JMJD1C: variants seen among roughly 807,000 people sequenced by gnomAD.
JMJD1C encodes the protein jumonji domain-containing protein 1C.
A neutral mutation model predicts 245.3 loss-of-function variants in JMJD1C; 31 were observed. That is an observed-to-expected ratio of 0.13 (90% confidence interval 0.09 to 0.17). The LOEUF is 0.17. Among genes scored for constraint, JMJD1C ranks in the 10% least tolerant of loss-of-function variants. The pLI is 1.00. For missense variants in JMJD1C, 2,691 were observed against 3,000.2 expected (o/e 0.90, Z 2.41); for synonymous variants, 1,057 against 1,017.4 (o/e 1.04, Z -0.74).
At position 63,301,625 on chromosome 10, in the gene JMJD1C, C is replaced by T. The variant is rs553719791; in HGVS notation, c.334-36861G>A. The T allele has an allele frequency of 2.7e-3, 865 of 317,236 alleles. 2 individuals carry two copies. The highest frequency in any genetic ancestry group is 2.8e-3 in the Non-Finnish European group (451 of 158,386). The allele number at this position is 317,236 out of a possible 1,614,324, so 19.7% of individuals were successfully genotyped here. On this transcript the variant is annotated intron_variant, in intron 2 of 25. Coordinates refer to ENST00000399262, the MANE Select transcript of JMJD1C (RefSeq NM_032776.3). ...GTTGAACAATGAGAACACAAGGACACAGGGAAGGAAACATCACAGACCAGG... is the reference window on the plus strand; with the variant it reads ...GTTGAACAATGAGAACACAAGGACATAGGGAAGGAAACATCACAGACCAGG...
At chr10:63,329,021 C>G (rs1941838747) in intron 2 of JMJD1C, among the ~76,000 whole-genome samples, 1 of 152,152 alleles carries the variant, frequency 6.6e-6, no homozygotes, top group South Asian at 2.1e-4. Flanking sequence ...CTGGTTCATG[C>G]CTATAATCCC....
At chr10:63,205,643 T>C (rs1297164246) in intron 10 of JMJD1C, among the ~76,000 whole-genome samples, 3 of 152,278 alleles carry the variant, frequency 2.0e-5, no homozygotes, top group South Asian at 4.2e-4. Context: ...TTCCTCACTG[T>C]AGGAACTTCA....
chr10:63,168,078 G>T lies in JMJD1C; in HGVS notation c.7590C>A (p.His2530Gln). The part of the protein sequence containing the change: ...VKEMVRALKI[H>Q]EDEVEDMEEN ...CTTCCATATCCTCTACTTCATCCTC[G>T]TGTATCTTCAAGGCTCTCACCATTT... Residue 2530 changes from histidine (H) to glutamine (Q), a missense_variant, in exon 26 of 26, where the codon CAC (histidine) becomes CAA (glutamine). Coordinates refer to ENST00000399262, the MANE Select transcript of JMJD1C (RefSeq NM_032776.3). 1 of 1,603,906 alleles carries T rather than the reference G, an allele frequency of 6.2e-7. No individual in the cohort carries two copies. The highest frequency in any genetic ancestry group is 8.5e-7 in the Non-Finnish European group (1 of 1,171,478).
chr10:63,447,771 T>C (rs1477702133), intron 1 of JMJD1C, among the ~76,000 whole-genome samples: 1 of 151,740 alleles, frequency 6.6e-6, no homozygotes, highest in Non-Finnish European at 1.5e-5. Context: ...GAACCCCATC[T>C]CTACTAAAAA....
At chr10:63,492,800 A>G (rs576437011) in intron 1 of JMJD1C, among the ~76,000 whole-genome samples, 15 of 152,348 alleles carry the variant, frequency 9.8e-5, no homozygotes, top group Admixed American at 3.9e-4. Context: ...TAATATGCCA[A>G]TCTCAAAGTG....
intron 1 of JMJD1C, among the ~76,000 whole-genome samples, chr10:63,414,168 A>C (rs1314023015): frequency 6.6e-6 from 1 of 151,750 alleles, no homozygotes; most frequent in Admixed American, 6.6e-5. Flanking sequence ...TTGTATTTTT[A>C]GTACAGACAG....
intron 2 of JMJD1C, among the ~76,000 whole-genome samples, chr10:63,323,786 G>A (rs140848436): frequency 1.4e-4 from 21 of 152,246 alleles, no homozygotes; most frequent in African/African-American, 4.3e-4. Flanking sequence ...AATAGAGTGT[G>A]AGCATATTTG....
chr10:63,344,014 G>A (rs750836754), intron 2 of JMJD1C, among the ~76,000 whole-genome samples: 5 of 152,050 alleles, frequency 3.3e-5, no homozygotes, highest in Non-Finnish European at 5.9e-5. Flanking sequence ...CTCCAGCCCG[G>A]GCAGCAGATA....
intron 5 of JMJD1C, 49 bp downstream of exon 5, chr10:63,217,158 T>C: frequency 1.3e-6 from 2 of 1,532,300 alleles, no homozygotes; most frequent in East Asian, 2.3e-5. Flanking sequence ...GGGGCATGGA[T>C]GATTTGAACT....
intron 2 of JMJD1C, among the ~76,000 whole-genome samples, chr10:63,314,961 T>TTG (rs1554884195): frequency 6.7e-6 from 1 of 148,970 alleles, no homozygotes; most frequent in Non-Finnish European, 1.5e-5. Context: ...TTTTTGTTTT[T>TTG]TTTTTTTTTT....
chr10:63,451,375 T>G (rs1952058481), intron 1 of JMJD1C, among the ~76,000 whole-genome samples: 1 of 152,202 alleles, frequency 6.6e-6, no homozygotes, highest in Admixed American at 6.5e-5. Context: ...ATTTCAAACT[T>G]ACTACAAACC....
At chr10:63,209,777 C>A (rs897382890) in intron 8 of JMJD1C, among the ~76,000 whole-genome samples, 2 of 152,124 alleles carry the variant, frequency 1.3e-5, no homozygotes, top group African/African-American at 4.8e-5. Flanking sequence ...CAAGGTTGCA[C>A]CATTAAGCTT....
chr10:63,513,838 G>A (rs1052036526), intron 1 of JMJD1C, among the ~76,000 whole-genome samples: 5 of 152,112 alleles, frequency 3.3e-5, no homozygotes, highest in African/African-American at 4.8e-5. Flanking sequence ...GCGTGAACCC[G>A]GGAGGTGGAG....
Position 63,190,879 on chromosome 10 carries a change from T to C in JMJD1C, c.6291+15A>G. 6.2e-7 allele frequency: 1 copy of C among 1,610,918 alleles called. No individual in the cohort carries two copies. The highest frequency in any genetic ancestry group is 8.5e-7 in the Non-Finnish European group (1 of 1,177,152). ...TTAAGGCCCACATTAAAACCAAAAA[T>C]CTGGCATCACTCACTGGGGCTCCCA... On this transcript the variant is annotated intron_variant, in intron 17 of 25. Coordinates refer to ENST00000399262, the MANE Select transcript of JMJD1C (RefSeq NM_032776.3).
chr10:63,330,049 C>T (rs539740772), intron 2 of JMJD1C, among the ~76,000 whole-genome samples: 40 of 152,148 alleles, frequency 2.6e-4, no homozygotes, highest in African/African-American at 9.4e-4. Context: ...TACAGGCATG[C>T]GCCACCACGC....
intron 3 of JMJD1C, among the ~76,000 whole-genome samples, chr10:63,253,223 G>A (rs1271891825): frequency 1.3e-5 from 2 of 152,102 alleles, no homozygotes; most frequent in Non-Finnish European, 1.5e-5. Context: ...TATAGACCAA[G>A]GGACCAGAAT....
At chr10:63,244,934 C>T (rs957590482) in intron 3 of JMJD1C, among the ~76,000 whole-genome samples, 4 of 151,734 alleles carry the variant, frequency 2.6e-5, no homozygotes, top group African/African-American at 4.8e-5. Flanking sequence ...GTCAGGAGTT[C>T]GAGACCAGCC....
At chr10:63,215,737 T>A (rs1847901310) in intron 5 of JMJD1C, 41 bp from the exon 6 acceptor site, 1 of 1,339,612 alleles carries the variant, frequency 7.5e-7, no homozygotes, top group Non-Finnish European at 1.0e-6. Flanking sequence ...TTAAATAGAA[T>A]GAGCTAATCA....
intron 1 of JMJD1C, among the ~76,000 whole-genome samples, chr10:63,432,692 T>C (rs1950829164): frequency 6.6e-6 from 1 of 152,170 alleles, no homozygotes; most frequent in African/African-American, 2.4e-5. Context: ...TTAATTGGCA[T>C]TGAGGAAAAA....
Sources: gnomAD v4.1 joint callset for allele counts (sites outside exome capture counted in the v4.1 genomes callset) on GRCh38, gnomAD v4.1.1 for gene constraint, MANE v1.5 for transcripts, NCBI Gene and HGNC (gene_info 2026-07-23, HGNC 2026-07-21) for gene names.